FAF1: variants seen among roughly 807,000 people sequenced by gnomAD.
The protein encoded by FAF1 is FAS-associated factor 1.
A neutral mutation model predicts 92.5 loss-of-function variants in FAF1; 25 were observed. The ratio of observed to expected loss-of-function variants is 0.27; its 90% CI spans 0.20 to 0.38. FAF1 has a LOEUF of 0.38. Ranked by LOEUF, FAF1 falls within the 10% of genes least tolerant of loss-of-function variation. FAF1 has a pLI of 1.00. For synonymous variants in FAF1, 234 were observed against 273.2 expected, an observed-to-expected ratio of 0.86 and a Z score of 1.42; for missense variants, 636 against 793.3, an observed-to-expected ratio of 0.80 and a Z score of 2.38.
intron 1 of FAF1, among the ~76,000 whole-genome samples, chr1:50,875,642 G>A (rs1470775111): frequency 6.6e-6 from 1 of 151,898 alleles, no homozygotes; most frequent in African/African-American, 2.4e-5. Context: ...TAATAGAGAC[G>A]GGATTTCACC....
At chr1:50,760,452 GC>G (rs745815027) in intron 4 of FAF1, among the ~76,000 whole-genome samples, 1 of 152,138 alleles carries the variant, frequency 6.6e-6, no homozygotes, top group Non-Finnish European at 1.5e-5. Context: ...GCTCTCCTCT[GC>G]AAATGTAAAA....
chr1:50,641,620 A>G (rs1266023189), intron 8 of FAF1, among the ~76,000 whole-genome samples: 2 of 152,194 alleles, frequency 1.3e-5, no homozygotes, highest in African/African-American at 4.8e-5. Context: ...ATTTTTGTAA[A>G]TGCATCATGC....
intron 18 of FAF1, among the ~76,000 whole-genome samples, chr1:50,465,964 C>G (rs755790692): frequency 3.7e-4 from 56 of 151,888 alleles, no homozygotes; most frequent in Non-Finnish European, 6.6e-4. Flanking sequence ...CAAGTTAGAT[C>G]GAGAAAGGCC....
chr1:50,473,111 C>T (rs866116023), intron 18 of FAF1, among the ~76,000 whole-genome samples: 1 of 152,148 alleles, frequency 6.6e-6, no homozygotes, highest in Non-Finnish European at 1.5e-5. Context: ...ATATATGAAG[C>T]ACTATGCTGG....
At chr1:50,888,689 G>A (rs1007174549) in intron 1 of FAF1, among the ~76,000 whole-genome samples, 13 of 152,096 alleles carry the variant, frequency 8.5e-5, no homozygotes, top group Non-Finnish European at 1.5e-4. Context: ...TATGTCGAAC[G>A]AGCCTTGCAT....
At chr1:50,877,922 T>A (rs951050182) in intron 1 of FAF1, among the ~76,000 whole-genome samples, 2 of 152,222 alleles carry the variant, frequency 1.3e-5, no homozygotes, top group African/African-American at 4.8e-5. Flanking sequence ...AATGGCCTTC[T>A]ATAACCCTAA....
chr1:50,649,293 C>T (rs1569673414), intron 8 of FAF1, among the ~76,000 whole-genome samples: 1 of 151,944 alleles, frequency 6.6e-6, no homozygotes, highest in South Asian at 2.1e-4. Flanking sequence ...GCTGGGATTA[C>T]AGGCATGCGC....
At chr1:50,484,960 TG>T (rs1330089857) in intron 17 of FAF1, among the ~76,000 whole-genome samples, 3 of 58,476 alleles carry the variant, frequency 5.1e-5, no homozygotes, top group Admixed American at 2.5e-4. Context: ...TGTCGTGGGG[TG>T]GGGGGAGGGA....
intron 7 of FAF1, among the ~76,000 whole-genome samples, chr1:50,657,957 C>T (rs1270836892): frequency 6.6e-6 from 1 of 152,126 alleles, no homozygotes; most frequent in Non-Finnish European, 1.5e-5. Context: ...TGTTTATAGT[C>T]AGTCACATCA....
intron 7 of FAF1, among the ~76,000 whole-genome samples, chr1:50,687,373 A>C (rs977765656): frequency 1.3e-5 from 2 of 151,196 alleles, no homozygotes; most frequent in South Asian, 2.1e-4. Flanking sequence ...AAAAAAAAAA[A>C]CCCAACCTGA....
chr1:50,539,737 A>G lies in FAF1; in HGVS notation c.1269-9T>C. On this transcript the variant is annotated splice_polypyrimidine_tract_variant and intron_variant, in intron 13 of 18. Transcript: ENST00000396153. The stretch of plus-strand genomic sequence containing the variant: ...TGCACATAGTGAGAAATCTAAAAGG[A>G]GACAAAATACAAAGTAAGTTTTGCT... 1 of 1,603,656 alleles carries G rather than the reference A, an allele frequency of 6.2e-7. No homozygotes were observed. The highest frequency in any genetic ancestry group is 2.2e-5 in the East Asian group (1 of 44,668).
intron 2 of FAF1, among the ~76,000 whole-genome samples, chr1:50,805,566 A>AT: frequency 6.6e-6 from 1 of 152,318 alleles, no homozygotes; most frequent in Non-Finnish European, 1.5e-5. Context: ...ATCTCATTGT[A>AT]ACATCACATA....
intron 8 of FAF1, among the ~76,000 whole-genome samples, chr1:50,605,319 T>C (rs955398350): frequency 6.6e-6 from 1 of 152,196 alleles, no homozygotes; most frequent in Non-Finnish European, 1.5e-5. Flanking sequence ...TAGAAGAGGT[T>C]CTGAAGTATT....
At chr1:50,694,019 T>TAC (rs1657066903) in intron 7 of FAF1, among the ~76,000 whole-genome samples, 1 of 152,104 alleles carries the variant, frequency 6.6e-6, no homozygotes, top group South Asian at 2.1e-4. Flanking sequence ...ACATGACATA[T>TAC]ATGACATATA....
At chr1:50,762,315 T>C (rs1569903894) in intron 4 of FAF1, among the ~76,000 whole-genome samples, 1 of 152,200 alleles carries the variant, frequency 6.6e-6, no homozygotes, top group Admixed American at 6.5e-5. Flanking sequence ...CCAATGACTT[T>C]CTTCACAGAA....
At chr1:50,904,749 T>C (rs1302417782) in intron 1 of FAF1, among the ~76,000 whole-genome samples, 1 of 152,172 alleles carries the variant, frequency 6.6e-6, no homozygotes, top group African/African-American at 2.4e-5. Context: ...CATTTCACTT[T>C]TCCGTATTTT....
chr1:50,804,153 T>C (rs1049307674), intron 2 of FAF1, among the ~76,000 whole-genome samples: 1 of 152,272 alleles, frequency 6.6e-6, no homozygotes, highest in African/African-American at 2.4e-5. Flanking sequence ...AATTAAGACA[T>C]AGTGATGAAC....
At chr1:50,638,421 G>A (rs915327322) in intron 8 of FAF1, among the ~76,000 whole-genome samples, 1 of 150,584 alleles carries the variant, frequency 6.6e-6, no homozygotes, top group African/African-American at 2.4e-5. Flanking sequence ...AATACGGTAG[G>A]TATTGCTTTT....
chr1:50,884,692 T>G (rs993633350), intron 1 of FAF1, among the ~76,000 whole-genome samples: 2 of 152,176 alleles, frequency 1.3e-5, no homozygotes, highest in African/African-American at 4.8e-5. Flanking sequence ...TGTATCAGTA[T>G]TAGTTGGGGA....
Sources: allele counts gnomAD v4.1 joint callset (sites outside exome capture counted in the v4.1 genomes callset), GRCh38; gene constraint gnomAD v4.1.1; transcripts MANE v1.5; gene names NCBI Gene and HGNC (gene_info 2026-07-23, HGNC 2026-07-21).